CLMP: variants seen among roughly 807,000 people sequenced by gnomAD.
CLMP encodes CXADR-like membrane protein.
A neutral mutation model predicts 45.2 loss-of-function variants in CLMP; 27 were observed. The ratio of observed to expected loss-of-function variants is 0.60; its 90% CI spans 0.44 to 0.82. CLMP has a LOEUF of 0.82. CLMP is among the 40% of genes least tolerant of loss of function. The pLI is 0.00. For missense variants in CLMP, 403 were observed against 448.4 expected, an observed-to-expected ratio of 0.90 and a Z score of 0.91; for synonymous variants, 167 against 171.4, an observed-to-expected ratio of 0.97 and a Z score of 0.20.
chr11:123,117,903 T>C (rs150661174), intron 1 of CLMP, among the ~76,000 whole-genome samples: 2,136 of 152,260 alleles, frequency 0.014, 18 homozygotes, highest in South Asian at 0.022. Context: ...TGAAAGGCAG[T>C]AATTCACTCT....
intron 1 of CLMP, among the ~76,000 whole-genome samples, chr11:123,174,750 T>C (rs1219729159): frequency 1.3e-5 from 2 of 152,198 alleles, no homozygotes; most frequent in Admixed American, 6.6e-5. Context: ...ATCTAGAAAT[T>C]AGGAAGCACT....
chr11:123,150,756 G>A (rs1006392942), intron 1 of CLMP, among the ~76,000 whole-genome samples: 2 of 152,138 alleles, frequency 1.3e-5, no homozygotes, highest in African/African-American at 2.4e-5. Flanking sequence ...TCACTCTGTC[G>A]CTCAGGGTGG....
intron 1 of CLMP, among the ~76,000 whole-genome samples, chr11:123,121,720 T>G (rs1860821782): frequency 6.6e-6 from 1 of 152,218 alleles, no homozygotes; most frequent in Non-Finnish European, 1.5e-5. Context: ...TCCTTGAGCC[T>G]TTTAATAAAC....
At chr11:123,185,588 C>T (rs1211853389) in intron 1 of CLMP, among the ~76,000 whole-genome samples, 4 of 152,120 alleles carry the variant, frequency 2.6e-5, no homozygotes, top group East Asian at 3.9e-4. Context: ...GGAGGCAAGG[C>T]GGGAGCCGGC....
At chr11:123,114,737 T>C (rs1463059675) in intron 1 of CLMP, among the ~76,000 whole-genome samples, 1 of 152,180 alleles carries the variant, frequency 6.6e-6, no homozygotes, top group East Asian at 1.9e-4. Context: ...GAGGACTTAT[T>C]ATGTGCAAAG....
intron 1 of CLMP, among the ~76,000 whole-genome samples, chr11:123,174,315 T>C (rs1439713429): frequency 1.3e-5 from 2 of 152,170 alleles, no homozygotes; most frequent in Non-Finnish European, 2.9e-5. Context: ...TTCTGTTTCA[T>C]ACTATGTATA....
chr11:123,159,620 C>G (rs762301526), intron 1 of CLMP, among the ~76,000 whole-genome samples: 2 of 152,120 alleles, frequency 1.3e-5, no homozygotes, highest in African/African-American at 4.8e-5. Flanking sequence ...TCACACTTAA[C>G]AGAATAAGGG....
At chr11:123,141,869 T>C (rs2135517626) in intron 1 of CLMP, among the ~76,000 whole-genome samples, 1 of 152,272 alleles carries the variant, frequency 6.6e-6, no homozygotes, top group East Asian at 1.9e-4. Flanking sequence ...TCCTTCGCTT[T>C]TGTATGAGAA....
intron 1 of CLMP, among the ~76,000 whole-genome samples, chr11:123,141,173 CTTTTTTTTTT>C (rs550888215): frequency 2.5e-5 from 2 of 80,808 alleles, no homozygotes; most frequent in Non-Finnish European, 4.4e-5. Context: ...TCAGGCATTC[CTTTTTTTTTT>C]TTTTTTTTTT....
At chr11:123,100,742 C>T (rs562424895) in intron 1 of CLMP, among the ~76,000 whole-genome samples, 2 of 152,232 alleles carry the variant, frequency 1.3e-5, no homozygotes, top group Non-Finnish European at 2.9e-5. Context: ...ACTTCTGTTC[C>T]ATCCATTGTG....
chr11:123,138,290 C>T (rs1861106076), intron 1 of CLMP, among the ~76,000 whole-genome samples: 1 of 151,944 alleles, frequency 6.6e-6, no homozygotes, highest in Admixed American at 6.6e-5. Context: ...CAAGGCCTTC[C>T]TTCACCTATT....
chr11:123,074,962 T>G (rs976541426), intron 5 of CLMP, 119 bp from the exon 6 acceptor site: 4 of 1,233,704 alleles, frequency 3.2e-6, no homozygotes, highest in Admixed American at 5.5e-5. Context: ...TTGTTTTGTT[T>G]TTTTTTTTTT....
chr11:123,140,838 G>T (rs1861144581), intron 1 of CLMP, among the ~76,000 whole-genome samples: 2 of 149,232 alleles, frequency 1.3e-5, no homozygotes, highest in Non-Finnish European at 3.0e-5. Context: ...GCTGAAATAT[G>T]ACCTCTAATG....
chr11:123,170,433 T>A (rs2135540337), intron 1 of CLMP, among the ~76,000 whole-genome samples: 1 of 139,456 alleles, frequency 7.2e-6, no homozygotes, highest in Admixed American at 8.3e-5. Context: ...GTGTTGCACA[T>A]GAAACCTGCT....
At chr11:123,124,662 G>A (rs972533762) in intron 1 of CLMP, among the ~76,000 whole-genome samples, 3 of 152,138 alleles carry the variant, frequency 2.0e-5, no homozygotes, top group African/African-American at 7.2e-5. Flanking sequence ...CTATATGTCA[G>A]TCACCATCTG....
intron 2 of CLMP, among the ~76,000 whole-genome samples, chr11:123,088,495 A>G (rs566465546): frequency 1.2e-3 from 177 of 152,276 alleles, no homozygotes; most frequent in African/African-American, 3.7e-3. Flanking sequence ...ACTTTCTAGG[A>G]GAATGAAGAG....
intron 1 of CLMP, among the ~76,000 whole-genome samples, chr11:123,188,215 G>C (rs1861858449): frequency 6.6e-6 from 1 of 152,178 alleles, no homozygotes; most frequent in Non-Finnish European, 1.5e-5. Context: ...CTCTGTAATT[G>C]TTTTGTGTGA....
At chr11:123,151,036 T>C (rs1304569913) in intron 1 of CLMP, among the ~76,000 whole-genome samples, 2 of 152,194 alleles carry the variant, frequency 1.3e-5, no homozygotes, top group Non-Finnish European at 2.9e-5. Flanking sequence ...CACTTTTCTG[T>C]TACTGCCAGA....
intron 1 of CLMP, among the ~76,000 whole-genome samples, chr11:123,107,397 A>T (rs934620383): frequency 1.3e-5 from 2 of 151,218 alleles, no homozygotes; most frequent in African/African-American, 4.9e-5. Flanking sequence ...CATCTGGCAA[A>T]TTTTCGTATT....
Sources: gnomAD v4.1 joint callset for allele counts (sites outside exome capture counted in the v4.1 genomes callset) on GRCh38, gnomAD v4.1.1 for gene constraint, MANE v1.5 for transcripts, NCBI Gene and HGNC (gene_info 2026-07-23, HGNC 2026-07-21) for gene names.